The following PHACTR3 variants were observed in gnomAD, a reference collection of about 807,000 sequenced individuals.
The protein encoded by PHACTR3 is protein phosphatase 1, regulatory subunit 123.
In PHACTR3, 16 loss-of-function variants were observed where a neutral mutation model predicts 66.8. That is an observed-to-expected ratio of 0.24 (90% CI 0.16 to 0.36). The LOEUF is 0.36. Among genes scored for constraint, PHACTR3 ranks in the 10% least tolerant of loss-of-function variants. The probability of loss-of-function intolerance (pLI) is 1.00; values close to 1 mark genes in which losing one functional copy is unlikely to be tolerated. For synonymous variants in PHACTR3, 323 were observed against 292.1 expected (o/e 1.11, Z -1.08); for missense variants, 647 against 719.9 (o/e 0.90, Z 1.16).
chr20:59,757,985 TAAAC>T (rs991466139), intron 4 of PHACTR3, among the ~76,000 whole-genome samples: 1 of 151,976 alleles, frequency 6.6e-6, no homozygotes, highest in South Asian at 2.1e-4. Flanking sequence ...AAATTCAAAA[TAAAC>T]AGCCCACAGA....
chr20:59,726,022 G>A (rs1182554477), intron 1 of PHACTR3, among the ~76,000 whole-genome samples: 2 of 152,220 alleles, frequency 1.3e-5, no homozygotes, highest in African/African-American at 4.8e-5. Context: ...AGAACAGGGT[G>A]TACCATGTGC....
At chr20:59,823,859 C>T (rs966886903) in intron 8 of PHACTR3, among the ~76,000 whole-genome samples, 3 of 152,202 alleles carry the variant, frequency 2.0e-5, no homozygotes, top group African/African-American at 7.2e-5. Context: ...AATCAATGTG[C>T]ATTAAAAGCT....
intron 1 of PHACTR3, among the ~76,000 whole-genome samples, chr20:59,617,707 A>AGCG: frequency 6.6e-6 from 1 of 152,306 alleles, no homozygotes; most frequent in South Asian, 2.1e-4. Flanking sequence ...AGGAGAATTA[A>AGCG]GCGGCTTCTG....
intron 1 of PHACTR3, among the ~76,000 whole-genome samples, chr20:59,701,822 C>T (rs1214910541): frequency 2.0e-5 from 3 of 152,202 alleles, no homozygotes; most frequent in Non-Finnish European, 2.9e-5. Context: ...TTCACCATTA[C>T]AGTATCATAG....
At chr20:59,776,885 G>A (rs2040558085) in intron 7 of PHACTR3, among the ~76,000 whole-genome samples, 1 of 152,136 alleles carries the variant, frequency 6.6e-6, no homozygotes, top group African/African-American at 2.4e-5. Flanking sequence ...TGAGTGCTCT[G>A]CACAGGGACG....
At chr20:59,705,642 G>A (rs1462541514) in intron 1 of PHACTR3, among the ~76,000 whole-genome samples, 1 of 152,124 alleles carries the variant, frequency 6.6e-6, no homozygotes, top group African/African-American at 2.4e-5. Context: ...ACAATGAAAG[G>A]GGTGCTTCCT....
At chr20:59,606,295 T>G (rs921221016) in intron 1 of PHACTR3, among the ~76,000 whole-genome samples, 5 of 73,654 alleles carry the variant, frequency 6.8e-5, no homozygotes, top group Admixed American at 5.2e-4. Context: ...GTGTGGGCAC[T>G]GGATCCCTCC....
chr20:59,757,492 G>A (rs1327165797), intron 4 of PHACTR3, among the ~76,000 whole-genome samples: 1 of 151,354 alleles, frequency 6.6e-6, no homozygotes, highest in African/African-American at 2.4e-5. Context: ...TGCAAAGACA[G>A]GGGACAGGAA....
chr20:59,726,104 T>C (rs1403274765), intron 1 of PHACTR3, among the ~76,000 whole-genome samples: 3 of 152,248 alleles, frequency 2.0e-5, no homozygotes, highest in Admixed American at 2.0e-4. Flanking sequence ...ACGAGCCCAG[T>C]TGACAATCCC....
chr20:59,686,950 ATTG>A (rs1357188558), intron 1 of PHACTR3, among the ~76,000 whole-genome samples: 1 of 135,856 alleles, frequency 7.4e-6, no homozygotes, highest in Non-Finnish European at 1.6e-5. Context: ...GATGGTGGTG[ATTG>A]TGATGATGAT....
At chr20:59,737,984 C>G (rs530339934) in intron 1 of PHACTR3, among the ~76,000 whole-genome samples, 2 of 152,104 alleles carry the variant, frequency 1.3e-5, no homozygotes, top group African/African-American at 4.8e-5. Flanking sequence ...CCTGCTCCAG[C>G]CACTAGGGCA....
chr20:59,609,781 G>A (rs1029525203), intron 1 of PHACTR3, among the ~76,000 whole-genome samples: 7 of 152,136 alleles, frequency 4.6e-5, no homozygotes, highest in African/African-American at 1.7e-4. Flanking sequence ...CTGGCTCCTT[G>A]TAGAGTGTCT....
At chr20:59,722,580 AC>A (rs2038358983) in intron 1 of PHACTR3, among the ~76,000 whole-genome samples, 1 of 152,140 alleles carries the variant, frequency 6.6e-6, no homozygotes, top group East Asian at 1.9e-4. Flanking sequence ...GGGTTTCAGC[AC>A]AGGACGGCAA....
chr20:59,840,565 G>C, intron 10 of PHACTR3, 135 bp downstream of exon 10: 5 of 1,342,026 alleles, frequency 3.7e-6, no homozygotes, highest in Non-Finnish European at 5.0e-6. Context: ...CATGGCATCA[G>C]TTAAATCAGG....
chr20:59,606,873 C>T (rs1704907100), intron 1 of PHACTR3, among the ~76,000 whole-genome samples: 1 of 152,050 alleles, frequency 6.6e-6, no homozygotes, highest in Non-Finnish European at 1.5e-5. Flanking sequence ...CTAAATGGGA[C>T]CCAGAGAACA....
chr20:59,582,118 C>G (rs905226530), intron 1 of PHACTR3, among the ~76,000 whole-genome samples: 1 of 152,222 alleles, frequency 6.6e-6, no homozygotes. Flanking sequence ...ATCCTCCCCC[C>G]GCCCGCCACC....
chr20:59,790,030 T>C (rs143547577), intron 7 of PHACTR3, among the ~76,000 whole-genome samples: 16 of 152,360 alleles, frequency 1.1e-4, no homozygotes, highest in South Asian at 2.1e-4. Context: ...TGCAGGCTAA[T>C]TGAGAAAAAG....
At chr20:59,730,190 C>T (rs2146715327) in intron 1 of PHACTR3, among the ~76,000 whole-genome samples, 1 of 152,228 alleles carries the variant, frequency 6.6e-6, no homozygotes, top group African/African-American at 2.4e-5. Context: ...TGAACACATA[C>T]ATCAAGAGCT....
intron 8 of PHACTR3, among the ~76,000 whole-genome samples, chr20:59,810,307 A>G (rs116943319): frequency 0.015 from 2,241 of 152,296 alleles, 23 homozygotes; most frequent in Non-Finnish European, 0.024. Context: ...TTACTCCATT[A>G]CTTACTGAAT....
Sources: allele counts gnomAD v4.1 joint callset (sites outside exome capture counted in the v4.1 genomes callset), GRCh38; gene constraint gnomAD v4.1.1; transcripts MANE v1.5; gene names NCBI Gene and HGNC (gene_info 2026-07-23, HGNC 2026-07-21).